The following OR2L13 variants were observed in gnomAD, a reference collection of about 807,000 sequenced individuals.
OR2L13 encodes the protein olfactory receptor family 2 subfamily L member 13.
OR2L13 carries 14 observed loss-of-function variants against 15.3 expected under a neutral mutation model. The observed-to-expected ratio is 0.91, with a 90% CI of 0.60 to 1.43. OR2L13 has a LOEUF of 1.43. Ranked by LOEUF, OR2L13 falls within the 40% of genes most tolerant of loss-of-function variation. The pLI is 0.00. For missense variants in OR2L13, 367 were observed against 387.9 expected (o/e 0.95, Z 0.45); for synonymous variants, 152 against 142.9 (o/e 1.06, Z -0.45).
At chr1:248,015,386 C>T in the OR2L13 span, among the ~76,000 whole-genome samples, 2 of 152,194 alleles carry the variant, frequency 1.3e-5, no homozygotes, top group East Asian at 3.9e-4. Context: ...TCTTCTGTGT[C>T]ATCTGATTGA....
chr1:248,044,627 C>A, the OR2L13 span, among the ~76,000 whole-genome samples: 7 of 95,936 alleles, frequency 7.3e-5, 1 homozygote, highest in East Asian at 3.3e-4. Context: ...CAAGGTGAAA[C>A]CCCGTCTCTA....
chr1:248,083,692 A>G, the OR2L13 span: 3 of 1,606,648 alleles, frequency 1.9e-6, no homozygotes, highest in Admixed American at 5.0e-5. Context: ...GTCCCCAGCC[A>G]CCGTTTCAGG....
At chr1:247,939,763 T>C in the OR2L13 span, 1 of 152,134 alleles carries the variant, frequency 6.6e-6, no homozygotes, top group South Asian at 2.1e-4. Flanking sequence ...ACCCCAATAA[T>C]AATAAAGTTT....
At chr1:248,074,768 C>T in the OR2L13 span, among the ~76,000 whole-genome samples, 3 of 152,086 alleles carry the variant, frequency 2.0e-5, no homozygotes, top group Admixed American at 2.0e-4. Context: ...CCCCAAAGCT[C>T]AGCATTATGC....
chr1:248,099,647 T>G (rs1400266811), exon 3 of OR2L13: 5 of 1,614,012 alleles, frequency 3.1e-6, no homozygotes, highest in Admixed American at 1.7e-5. Flanking sequence ...CAGAAAGGCA[T>G]CTCCTTCCTG....
chr1:248,036,893 C>T, the OR2L13 span, among the ~76,000 whole-genome samples: 1 of 152,046 alleles, frequency 6.6e-6, no homozygotes, highest in Non-Finnish European at 1.5e-5. Context: ...GATAAATATA[C>T]TTATGATCCC....
the OR2L13 span, chr1:247,990,530 A>T: frequency 6.4e-7 from 1 of 1,572,086 alleles, no homozygotes; most frequent in South Asian, 1.1e-5. Context: ...CTGTATGGAA[A>T]CAAGTCTATC....
At chr1:247,955,223 T>A in the OR2L13 span, among the ~76,000 whole-genome samples, 1 of 152,090 alleles carries the variant, frequency 6.6e-6, no homozygotes, top group Non-Finnish European at 1.5e-5. Flanking sequence ...CTTGAGATAG[T>A]TTGCTGAGAA....
chr1:247,938,158 G>A, the OR2L13 span, among the ~76,000 whole-genome samples: 1 of 151,958 alleles, frequency 6.6e-6, no homozygotes, highest in African/African-American at 2.4e-5. Flanking sequence ...TGACAATTGA[G>A]TTTTTTTACT....
At chr1:247,989,799 A>G in the OR2L13 span, among the ~76,000 whole-genome samples, 1 of 152,148 alleles carries the variant, frequency 6.6e-6, no homozygotes, top group African/African-American at 2.4e-5. Flanking sequence ...CTGAGATTGC[A>G]TGGAAAATTC....
the OR2L13 span, among the ~76,000 whole-genome samples, chr1:247,988,243 T>C: frequency 2.6e-5 from 4 of 152,158 alleles, no homozygotes; most frequent in African/African-American, 9.6e-5. Flanking sequence ...AATATTTCTC[T>C]CTCTTCTAAT....
the OR2L13 span, among the ~76,000 whole-genome samples, chr1:248,008,252 C>G: frequency 2.6e-5 from 4 of 152,098 alleles, no homozygotes; most frequent in African/African-American, 9.7e-5. Context: ...CATATACCTC[C>G]TAGTGACACC....
chr1:248,047,256 G>A, the OR2L13 span, among the ~76,000 whole-genome samples: 8 of 152,038 alleles, frequency 5.3e-5, no homozygotes, highest in Admixed American at 5.2e-4. Context: ...TGCTATTTTG[G>A]TTTGATTTCT....
the OR2L13 span, among the ~76,000 whole-genome samples, chr1:248,072,818 C>G: frequency 6.6e-6 from 1 of 151,610 alleles, no homozygotes; most frequent in Non-Finnish European, 1.5e-5. Context: ...GGGCAAAGCA[C>G]ATGAACAGAC....
At chr1:247,987,424 T>C in the OR2L13 span, among the ~76,000 whole-genome samples, 1 of 152,162 alleles carries the variant, frequency 6.6e-6, no homozygotes, top group Admixed American at 6.6e-5. Context: ...TGCAGTGAAA[T>C]TGGACATTTG....
At chr1:247,946,808 T>C in the OR2L13 span, among the ~76,000 whole-genome samples, 2 of 152,196 alleles carry the variant, frequency 1.3e-5, no homozygotes, top group Admixed American at 1.3e-4. Context: ...ATGTCTGCAA[T>C]GAGGGGTTGA....
At chr1:247,947,288 C>T in the OR2L13 span, among the ~76,000 whole-genome samples, 1 of 152,134 alleles carries the variant, frequency 6.6e-6, no homozygotes, top group Non-Finnish European at 1.5e-5. Flanking sequence ...ATTTTAAAGT[C>T]AGTGTATTTA....
chr1:247,963,307 A>G, the OR2L13 span, among the ~76,000 whole-genome samples: 3 of 152,186 alleles, frequency 2.0e-5, no homozygotes. Flanking sequence ...GGACTTTGCC[A>G]TGGCATTTGT....
the OR2L13 span, among the ~76,000 whole-genome samples, chr1:247,947,132 T>C: frequency 6.6e-6 from 1 of 152,200 alleles, no homozygotes; most frequent in Non-Finnish European, 1.5e-5. Flanking sequence ...TAATACAATT[T>C]TAGTTTTCAA....
Sources: allele counts gnomAD v4.1 joint callset (sites outside exome capture counted in the v4.1 genomes callset), GRCh38; gene constraint gnomAD v4.1.1; transcripts MANE v1.5; gene names NCBI Gene and HGNC (gene_info 2026-07-23, HGNC 2026-07-21).